ZNF827: variants seen among roughly 807,000 people sequenced by gnomAD.
ZNF827 encodes zinc finger protein 827.
Under a neutral mutation model 102.4 loss-of-function variants are expected in ZNF827, and 13 were observed. The observed-to-expected ratio is 0.13, with a 90% confidence interval of 0.08 to 0.20. The LOEUF is 0.20. Among genes scored for constraint, ZNF827 ranks in the 10% least tolerant of loss-of-function variants. The pLI, the probability that ZNF827 is intolerant of heterozygous loss-of-function variation, is 1.00. For synonymous variants in ZNF827, 523 were observed against 536.2 expected (o/e 0.98, Z 0.34); for missense variants, 1,103 against 1,344.4 (o/e 0.82, Z 2.81).
chr4:145,921,744 G>A (rs1158920434), intron 1 of ZNF827, among the ~76,000 whole-genome samples: 1 of 152,126 alleles, frequency 6.6e-6, no homozygotes, highest in East Asian at 1.9e-4. Flanking sequence ...AAGACACGAA[G>A]ACCAGAAATA....
At chr4:145,933,510 A>G (rs1199136120) in intron 1 of ZNF827, among the ~76,000 whole-genome samples, 1 of 152,230 alleles carries the variant, frequency 6.6e-6, no homozygotes, top group Non-Finnish European at 1.5e-5. Context: ...GTTGCTTTTC[A>G]GTCATTTTGC....
At chr4:145,844,483 C>A (rs999094337) in intron 7 of ZNF827, among the ~76,000 whole-genome samples, 1 of 151,142 alleles carries the variant, frequency 6.6e-6, no homozygotes. Context: ...AGTTTGAGAC[C>A]AGCCTGGGCA....
At chr4:145,791,331 C>T (rs554540613) in intron 8 of ZNF827, among the ~76,000 whole-genome samples, 12 of 152,262 alleles carry the variant, frequency 7.9e-5, no homozygotes, top group Non-Finnish European at 1.2e-4. Context: ...ATGAGGGCTC[C>T]ACTCCCAAGA....
chr4:145,868,762 A>G (rs1252386994), intron 5 of ZNF827, among the ~76,000 whole-genome samples: 1 of 152,212 alleles, frequency 6.6e-6, no homozygotes, highest in Non-Finnish European at 1.5e-5. Context: ...CTGCACAGCA[A>G]ACTCTGAACT....
intron 1 of ZNF827, among the ~76,000 whole-genome samples, chr4:145,928,067 G>A (rs948828942): frequency 1.3e-5 from 2 of 152,084 alleles, no homozygotes. Context: ...TTCCAACCTC[G>A]AGGAGTTGCA....
intron 3 of ZNF827, among the ~76,000 whole-genome samples, chr4:145,887,452 G>T (rs374030191): frequency 8.7e-4 from 132 of 152,120 alleles, no homozygotes; most frequent in Middle Eastern, 3.4e-3. Flanking sequence ...AAAGTTAATG[G>T]TGAGATCCTG....
At chr4:145,872,526 G>A (rs1026745951) in intron 4 of ZNF827, among the ~76,000 whole-genome samples, 8 of 152,284 alleles carry the variant, frequency 5.3e-5, no homozygotes, top group Middle Eastern at 3.4e-3. Context: ...ATTTTGTTAC[G>A]CGGTATTTAG....
intron 8 of ZNF827, among the ~76,000 whole-genome samples, chr4:145,813,300 A>C (rs540370017): frequency 6.6e-6 from 1 of 152,322 alleles, no homozygotes; most frequent in East Asian, 1.9e-4. Context: ...GTATAGTGCA[A>C]GAAGATCTTT....
In ZNF827 at chr4:145,928,558, T is replaced by TCTGACTTAGTCTCAGAGAAC. The variant is rs1193446662; in HGVS notation, c.43+9806_43+9807insGTTCTCTGAGACTAAGTCAG. ...CTATGCCAGACACAAATCTAAAATA[T>TCTGACTTAGTCTCAGAGAAC]CTACGTGTATAGGCTGACTTAGTCT... On this transcript the variant is annotated intron_variant, in intron 1 of 14. Transcript: ENST00000508784. 8.5e-5 allele frequency among the ~76,000 whole-genome samples: 13 copies of TCTGACTTAGTCTCAGAGAAC among 152,310 alleles called. No individual in the cohort carries two copies. The South Asian group carries it at 2.7e-3, about 32-fold the overall frequency.
chr4:145,894,714 G>A (rs1276592813), intron 2 of ZNF827, among the ~76,000 whole-genome samples: 1 of 152,078 alleles, frequency 6.6e-6, no homozygotes, highest in African/African-American at 2.4e-5. Flanking sequence ...AGGAAATGAG[G>A]GTTTCCTTTT....
At chr4:145,777,024 T>A (rs1737215860) in intron 9 of ZNF827, among the ~76,000 whole-genome samples, 1 of 152,248 alleles carries the variant, frequency 6.6e-6, no homozygotes, top group Non-Finnish European at 1.5e-5. Context: ...CAGTGTTCTA[T>A]CCTTAATGCT....
chr4:145,761,022 G>C lies in ZNF827; in HGVS notation c.*594C>G, dbSNP rs1273674056. 4 of 1,281,234 alleles carry C rather than the reference G, an allele frequency of 3.1e-6. No individual in the cohort carries two copies. The highest frequency in any genetic ancestry group is 3.1e-6 in the Non-Finnish European group (3 of 983,366). 79.4% of individuals were successfully genotyped at this position (1,281,234 alleles called of 1,614,324 possible). ...GTGCCAGGTTGGGCTCTGAGCTGCT[G>C]CCGTGGGCTGCCGACAGGGCCACGG... is the stretch of plus-strand genomic sequence containing the variant. On this transcript the variant is annotated 3_prime_UTR_variant, in exon 15 of 15. Coordinates refer to ENST00000508784, the MANE Select transcript of ZNF827 (RefSeq NM_001306215.2). This position sits in a 1 kb window ranked among gnomAD's most constrained non-coding sequence, Gnocchi z 6.8.
chr4:145,846,803 C>G (rs1056295970), intron 6 of ZNF827, among the ~76,000 whole-genome samples: 2 of 145,016 alleles, frequency 1.4e-5, no homozygotes, highest in African/African-American at 2.6e-5. Context: ...AGCAACAGAG[C>G]AAGACTCTGT....
chr4:145,792,172 C>T (rs895500529), intron 8 of ZNF827, among the ~76,000 whole-genome samples: 1 of 152,154 alleles, frequency 6.6e-6, no homozygotes, highest in African/African-American at 2.4e-5. Flanking sequence ...GTGGCAAGTG[C>T]TGCTGCATTT....
chr4:145,846,216 C>T (rs1167973914), intron 6 of ZNF827, among the ~76,000 whole-genome samples: 5 of 152,124 alleles, frequency 3.3e-5, no homozygotes, highest in Non-Finnish European at 4.4e-5. Flanking sequence ...CAGTGGCTCA[C>T]GCCTGTAATC....
chr4:145,765,292 A>G lies in ZNF827; in HGVS notation c.3053-127T>C. 1.8e-6 allele frequency: 2 copies of G among 1,091,050 alleles called. No homozygotes were observed. Among genetic ancestry groups the G allele is most frequent in the Non-Finnish European group, 2.6e-6 (2 of 781,218 alleles). The allele number at this position is 1,091,050 out of a possible 1,614,324, so 67.6% of individuals were successfully genotyped here. On this transcript the variant is annotated intron_variant, in intron 12 of 14. Transcript: ENST00000508784. The surrounding 1 kb of genome is among the most constrained non-coding windows in gnomAD (Gnocchi z 4.7). ...GCCTGACAGCTATACCCTTCCAGGC[A>G]CTGTTCCCCATATCTCTGTGCTAAA...
At chr4:145,857,110 G>A (rs1267214231) in intron 5 of ZNF827, among the ~76,000 whole-genome samples, 1 of 152,106 alleles carries the variant, frequency 6.6e-6, no homozygotes. Flanking sequence ...CTCTATATCA[G>A]TATAATACCT....
rs746168538 is a variant in ZNF827, at chr4:145,902,972, T to C, written c.287A>G (p.Gln96Arg). Residue 96 changes from glutamine to arginine, a missense_variant, in exon 2 of 15, where the codon CAG becomes CGG. Coordinates refer to ENST00000508784, the MANE Select transcript of ZNF827 (RefSeq NM_001306215.2). The surrounding 1 kb of genome is among the most constrained non-coding windows in gnomAD (Gnocchi z 4.3). The part of the protein sequence containing the change: ...LDSEVLRDSL[Q>R]CQDHLSPGVS... ...TCCCGGGGAAAGGTGATCTTGACAC[T>C]GCAGTGAGTCTCGCAGGACCTCACT... 26 of 1,614,176 alleles carry C rather than the reference T, an allele frequency of 1.6e-5. No homozygotes were observed. Among genetic ancestry groups the C allele is most frequent in the Non-Finnish European group, 2.1e-5 (25 of 1,180,026 alleles).
At chr4:145,786,818 A>AT (rs1380925231) in intron 8 of ZNF827, among the ~76,000 whole-genome samples, 1 of 151,910 alleles carries the variant, frequency 6.6e-6, no homozygotes, top group Non-Finnish European at 1.5e-5. Flanking sequence ...TCCCTTTTTA[A>AT]TTTTTTCAGA....
Sources: allele counts gnomAD v4.1 joint callset (sites outside exome capture counted in the v4.1 genomes callset), GRCh38; gene constraint gnomAD v4.1.1; non-coding constraint Gnocchi (gnomAD v3.1); transcripts MANE v1.5; gene names NCBI Gene and HGNC (gene_info 2026-07-23, HGNC 2026-07-21).